The following DTNA variants were observed in gnomAD, a reference collection of about 807,000 sequenced individuals.
DTNA encodes dystrophin-related protein 3.
Under a neutral mutation model 100.7 loss-of-function variants are expected in DTNA, and 43 were observed. The ratio of observed to expected loss-of-function variants is 0.43; its 90% CI spans 0.33 to 0.55. DTNA has a LOEUF of 0.55. Ranked by LOEUF, DTNA falls within the 20% of genes least tolerant of loss-of-function variation. DTNA has a pLI of 0.04. For missense variants in DTNA, 798 were observed against 953.9 expected (o/e 0.84, Z 2.15); for synonymous variants, 349 against 347.9 (o/e 1.00, Z -0.04).
Position 34,889,015 on chromosome 18 carries a change from G to A in DTNA, c.*1281G>A, listed in dbSNP as rs1320652507. 1 of 985,684 alleles carries A rather than the reference G, an allele frequency of 1.0e-6. No homozygotes were observed. The highest frequency in any genetic ancestry group is 1.7e-5 in the African/African-American group (1 of 57,206). 61.1% of individuals were successfully genotyped at this position (985,684 alleles called of 1,614,324 possible). A position where few individuals can be genotyped will look rare whatever the true frequency, so the allele number is the denominator to read the frequency against. ...TGCAAAAGAGCTATCAAAGACAAGA[G>A]GATAAAAGACTGGGATAGTCTTTTC... On this transcript the variant is annotated 3_prime_UTR_variant, in exon 23 of 23. Transcript: ENST00000444659.
intron 1 of DTNA, among the ~76,000 whole-genome samples, chr18:34,533,236 G>A (rs962345950): frequency 2.0e-5 from 3 of 151,938 alleles, no homozygotes; most frequent in Non-Finnish European, 2.9e-5. Context: ...GCTGGGCATG[G>A]TGGCAGGCAC....
At chr18:34,800,871 A>G (rs971484754) in intron 4 of DTNA, among the ~76,000 whole-genome samples, 1 of 152,194 alleles carries the variant, frequency 6.6e-6, no homozygotes, top group African/African-American at 2.4e-5. Context: ...CTTGTCAAAA[A>G]CAAATATTCT....
At chr18:34,747,534 G>T (rs115893925) in intron 1 of DTNA, among the ~76,000 whole-genome samples, 2,017 of 151,992 alleles carry the variant, frequency 0.013, 25 homozygotes, top group African/African-American at 0.046. Flanking sequence ...CCATTATGTC[G>T]TTCTTATGCC....
chr18:34,571,210 G>A (rs2146422426), intron 1 of DTNA, among the ~76,000 whole-genome samples: 1 of 152,256 alleles, frequency 6.6e-6, no homozygotes, highest in East Asian at 1.9e-4. Flanking sequence ...ACCCAAGTCT[G>A]TACCCCACTT....
chr18:34,827,530 A>C, intron 9 of DTNA, 63 bp from the exon 10 acceptor site: 37 of 1,484,084 alleles, frequency 2.5e-5, no homozygotes, highest in Non-Finnish European at 3.3e-5. Context: ...GGGATGAGGG[A>C]GAGTTTTAAA....
At chr18:34,803,464 G>A (rs2095278227) in intron 4 of DTNA, among the ~76,000 whole-genome samples, 1 of 152,032 alleles carries the variant, frequency 6.6e-6, no homozygotes, top group Non-Finnish European at 1.5e-5. Flanking sequence ...ATCCTTTGGA[G>A]AACTCTCTGT....
At chr18:34,764,803 T>C (rs1394853891) in intron 2 of DTNA, among the ~76,000 whole-genome samples, 1 of 152,258 alleles carries the variant, frequency 6.6e-6, no homozygotes, top group East Asian at 1.9e-4. Context: ...TAGCACATTT[T>C]ATTAGTATAT....
chr18:34,525,674 A>G (rs552162175), intron 1 of DTNA, among the ~76,000 whole-genome samples: 6 of 152,262 alleles, frequency 3.9e-5, no homozygotes, highest in South Asian at 2.1e-4. Context: ...TACTCCTCTG[A>G]CGCTGAGTGG....
intron 13 of DTNA, among the ~76,000 whole-genome samples, chr18:34,841,491 A>T (rs2096267854): frequency 6.6e-6 from 1 of 152,164 alleles, no homozygotes. Context: ...AAAGGGCAAG[A>T]GTTTTGTCTT....
chr18:34,569,124 C>T (rs1418824403), intron 1 of DTNA, among the ~76,000 whole-genome samples: 13 of 152,106 alleles, frequency 8.5e-5, no homozygotes, highest in East Asian at 5.8e-4. Flanking sequence ...TGGATCTGAG[C>T]TCATTGGATT....
rs149362272 is a variant in DTNA at position 34,528,852 on chromosome 18, G to A, written c.-2+35338G>A. ...CATATTTACATAGTTGATACCAGTA[G>A]CATAATTTATGTTTTCACACCCAAT... On this transcript the variant is annotated intron_variant, in intron 1 of 19. Coordinates refer to the DTNA transcript ENST00000283365. Among the ~76,000 whole-genome samples the A allele has an allele frequency of 4.1e-3, 623 of 152,100 alleles. 3 individuals are homozygous for A. Among genetic ancestry groups the A allele is most frequent in the African/African-American group, 0.014 (563 of 41,510 alleles).
chr18:34,677,904 T>C (rs1462696040), intron 1 of DTNA, among the ~76,000 whole-genome samples: 1 of 152,180 alleles, frequency 6.6e-6, no homozygotes, highest in Non-Finnish European at 1.5e-5. Flanking sequence ...ATTCTCACTC[T>C]ACTATAAAGA....
intron 1 of DTNA, among the ~76,000 whole-genome samples, chr18:34,541,500 G>A (rs2044242225): frequency 6.6e-6 from 1 of 151,980 alleles, no homozygotes; most frequent in Non-Finnish European, 1.5e-5. Context: ...TTTAATAAAG[G>A]GGAGTTCCCC....
At chr18:34,613,957 A>G (rs2054733452) in intron 1 of DTNA, among the ~76,000 whole-genome samples, 1 of 152,254 alleles carries the variant, frequency 6.6e-6, no homozygotes, top group Non-Finnish European at 1.5e-5. Context: ...TATCATAGCT[A>G]GAGATGCAAA....
chr18:34,825,361 A>T, intron 9 of DTNA: 1 of 1,536,172 alleles, frequency 6.5e-7, no homozygotes, highest in Non-Finnish European at 9.0e-7. Flanking sequence ...CAAGTGAGCA[A>T]TATGAGGCTA....
intron 1 of DTNA, among the ~76,000 whole-genome samples, chr18:34,629,207 A>T (rs935872985): frequency 6.6e-6 from 1 of 152,148 alleles, no homozygotes; most frequent in Non-Finnish European, 1.5e-5. Context: ...AAAGCTTACT[A>T]CATTATTTAT....
At chr18:34,789,588 C>A (rs1320261922) in intron 3 of DTNA, among the ~76,000 whole-genome samples, 1 of 152,124 alleles carries the variant, frequency 6.6e-6, no homozygotes, top group African/African-American at 2.4e-5. Context: ...CTGTTAGCTC[C>A]CATAGGCAGG....
At chr18:34,660,408 A>G (rs1427704598) in intron 1 of DTNA, among the ~76,000 whole-genome samples, 1 of 151,550 alleles carries the variant, frequency 6.6e-6, no homozygotes, top group African/African-American at 2.4e-5. Flanking sequence ...CTGATCTAGT[A>G]TAGCATCACC....
At chr18:34,568,970 A>G (rs950741562) in intron 1 of DTNA, among the ~76,000 whole-genome samples, 1 of 152,234 alleles carries the variant, frequency 6.6e-6, no homozygotes, top group Non-Finnish European at 1.5e-5. Flanking sequence ...ATGACTGTCA[A>G]TCAAGACTCT....
Sources: gnomAD v4.1 joint callset for allele counts (sites outside exome capture counted in the v4.1 genomes callset) on GRCh38, gnomAD v4.1.1 for gene constraint, MANE v1.5 for transcripts, NCBI Gene and HGNC (gene_info 2026-07-23, HGNC 2026-07-21) for gene names.